The following FAM13A variants were observed in gnomAD, a reference collection of about 807,000 sequenced individuals.
FAM13A encodes protein FAM13A.
A neutral mutation model predicts 129.6 loss-of-function variants in FAM13A; 76 were observed. The observed-to-expected ratio is 0.59, with a 90% CI of 0.49 to 0.71. The LOEUF is 0.71. Among genes scored for constraint, FAM13A ranks in the 30% least tolerant of loss-of-function variants. The pLI is 0.00. For synonymous variants in FAM13A, 443 were observed against 449.9 expected (o/e 0.98, Z 0.20); for missense variants, 1,108 against 1,249.3 (o/e 0.89, Z 1.70).
At chr4:88,984,002 T>C (rs908592740) in intron 4 of FAM13A, among the ~76,000 whole-genome samples, 3 of 152,124 alleles carry the variant, frequency 2.0e-5, no homozygotes, top group Non-Finnish European at 4.4e-5. Flanking sequence ...TAAGCCCCAA[T>C]AATTGTGGTC....
At chr4:88,823,077 A>G in intron 7 of FAM13A, 1 of 1,599,942 alleles carries the variant, frequency 6.3e-7, no homozygotes, top group Non-Finnish European at 8.5e-7. Context: ...TGTACAGTGA[A>G]CGTCTTCTTA....
chr4:88,839,121 T>C (rs1000770786), intron 7 of FAM13A, among the ~76,000 whole-genome samples: 4 of 152,224 alleles, frequency 2.6e-5, no homozygotes, highest in African/African-American at 9.6e-5. Flanking sequence ...TCTAAAAATG[T>C]TATACTGTGA....
At chr4:89,047,880 T>C (rs1771071448) in intron 1 of FAM13A, among the ~76,000 whole-genome samples, 1 of 152,194 alleles carries the variant, frequency 6.6e-6, no homozygotes, top group Non-Finnish European at 1.5e-5. Context: ...AGATATACAA[T>C]GGCTAATATG....
Position 88,904,377 on chromosome 4 carries a change from T to G in FAM13A, c.843+2002A>C, listed in dbSNP as rs577362266. 2.0e-5 allele frequency among the ~76,000 whole-genome samples: 3 copies of G among 152,204 alleles called. No individual in the cohort carries two copies. In the East Asian group the frequency reaches 5.8e-4, roughly 29 times the overall value. On this transcript the variant is annotated intron_variant, in intron 6 of 23. Transcript: ENST00000264344. ...GACATGGAATCAACCCTAATGCCCA[T>G]CAATCATAGACTGGATAAAGAAAAT... is the stretch of plus-strand genomic sequence containing the variant.
intron 1 of FAM13A, among the ~76,000 whole-genome samples, chr4:89,053,504 T>C (rs1370345379): frequency 6.6e-6 from 1 of 152,176 alleles, no homozygotes; most frequent in African/African-American, 2.4e-5. Flanking sequence ...ATATGACCTT[T>C]CTGTAACGCG....
chr4:88,772,284 T>G (rs1720823263), intron 11 of FAM13A, among the ~76,000 whole-genome samples: 1 of 152,208 alleles, frequency 6.6e-6, no homozygotes, highest in Non-Finnish European at 1.5e-5. Flanking sequence ...TTTGTACCCT[T>G]TTGTACATTT....
chr4:88,836,091 C>G (rs958981375), intron 7 of FAM13A, among the ~76,000 whole-genome samples: 2 of 151,888 alleles, frequency 1.3e-5, no homozygotes, highest in African/African-American at 4.8e-5. Flanking sequence ...AAACACAATC[C>G]CATTGCTTCC....
intron 6 of FAM13A, among the ~76,000 whole-genome samples, chr4:88,876,516 T>A (rs4693973): frequency 0.26 from 40,089 of 152,000 alleles, 5,531 homozygotes; most frequent in East Asian, 0.36. Context: ...TTCTTATTGG[T>A]CATTCTGTTC....
chr4:89,043,059 G>A (rs1441850584), intron 1 of FAM13A, among the ~76,000 whole-genome samples: 1 of 152,180 alleles, frequency 6.6e-6, no homozygotes, highest in South Asian at 2.1e-4. Flanking sequence ...GATGTGGAAA[G>A]CTTACGGCAG....
intron 1 of FAM13A, among the ~76,000 whole-genome samples, chr4:89,051,251 C>T (rs866285219): frequency 1.2e-4 from 18 of 152,264 alleles, no homozygotes; most frequent in African/African-American, 4.1e-4. Flanking sequence ...TGAGGGCTGG[C>T]TTTCTGGTTC....
chr4:88,878,863 AT>A (rs1033740725), intron 6 of FAM13A, among the ~76,000 whole-genome samples: 1 of 152,246 alleles, frequency 6.6e-6, no homozygotes, highest in African/African-American at 2.4e-5. Flanking sequence ...ATGGAGCCTG[AT>A]AGTATGAAAC....
chr4:88,890,874 TAA>T (rs1745199980), intron 6 of FAM13A, among the ~76,000 whole-genome samples: 1 of 152,170 alleles, frequency 6.6e-6, no homozygotes, highest in African/African-American at 2.4e-5. Context: ...AATATGCTGA[TAA>T]ATTTAATTGC....
chr4:88,903,738 A>T (rs183812238), intron 6 of FAM13A, among the ~76,000 whole-genome samples: 1 of 152,306 alleles, frequency 6.6e-6, no homozygotes, highest in African/African-American at 2.4e-5. Context: ...GGACGAAAAC[A>T]CCAAAAGCAA....
chr4:88,783,625 G>A (rs768427048), intron 10 of FAM13A, among the ~76,000 whole-genome samples: 3 of 152,126 alleles, frequency 2.0e-5, no homozygotes, highest in Admixed American at 6.6e-5. Context: ...ATGCTTTAAA[G>A]CTAGTATGGA....
chr4:88,851,312 A>G (rs776523728), intron 6 of FAM13A, 129 bp from the exon 7 acceptor site: 17 of 732,098 alleles, frequency 2.3e-5, no homozygotes, highest in Non-Finnish European at 3.2e-5. Flanking sequence ...CCAGAAAAAT[A>G]TCAAGCTAAA....
chr4:88,784,860 G>T (rs1486476560), intron 10 of FAM13A, among the ~76,000 whole-genome samples: 1 of 151,892 alleles, frequency 6.6e-6, no homozygotes, highest in Non-Finnish European at 1.5e-5. Flanking sequence ...GCAGATAGTA[G>T]ATTTTTTTAC....
intron 10 of FAM13A, among the ~76,000 whole-genome samples, chr4:88,782,769 GAGA>G (rs1723197063): frequency 6.6e-6 from 1 of 152,112 alleles, no homozygotes; most frequent in Non-Finnish European, 1.5e-5. Context: ...AAGACAGGAG[GAGA>G]AGATGATAGG....
chr4:89,003,075 A>C (rs1387883820), intron 3 of FAM13A, among the ~76,000 whole-genome samples: 2 of 152,018 alleles, frequency 1.3e-5, no homozygotes, highest in Non-Finnish European at 2.9e-5. Flanking sequence ...AACCCATGGA[A>C]TGTTTAACAT....
At position 88,790,888 on chromosome 4, in the gene FAM13A, CAT is replaced by C. The variant is rs1472842831; in HGVS notation, c.1050-263_1050-262del. ...AATTCTATAACTAAATTTGGAAAAC[CAT>C]CTCTTAGCTGTCAACCTATTGCCAC... On this transcript the variant is annotated intron_variant, in intron 8 of 23. Coordinates refer to ENST00000264344, the MANE Select transcript of FAM13A (RefSeq NM_014883.4). Among the ~76,000 whole-genome samples, 4 of 152,150 alleles carry C rather than the reference CAT, an allele frequency of 2.6e-5. No individual in the cohort carries two copies. In the East Asian group the frequency reaches 7.7e-4, roughly 29 times the overall value.
Sources: allele counts gnomAD v4.1 joint callset (sites outside exome capture counted in the v4.1 genomes callset), GRCh38; gene constraint gnomAD v4.1.1; transcripts MANE v1.5; gene names NCBI Gene and HGNC (gene_info 2026-07-23, HGNC 2026-07-21).